GALNT17: variants seen among roughly 807,000 people sequenced by gnomAD.
GALNT17 encodes the protein UDP-GalNAc:polypeptide N-acetylgalactosaminyltransferase-like 3.
In GALNT17, 29 loss-of-function variants were observed where a neutral mutation model predicts 63.7. The observed-to-expected ratio is 0.46, with a 90% CI of 0.34 to 0.62. The LOEUF (loss-of-function observed/expected upper bound fraction) is 0.62. GALNT17 is among the 20% of genes least tolerant of loss of function. GALNT17 has a pLI of 0.01. For missense variants in GALNT17, 603 were observed against 799.6 expected, an observed-to-expected ratio of 0.75 and a Z score of 2.97; for synonymous variants, 305 against 318.3, an observed-to-expected ratio of 0.96 and a Z score of 0.45.
chr7:71,458,431 G>T (rs947150063), intron 5 of GALNT17, among the ~76,000 whole-genome samples: 2 of 152,168 alleles, frequency 1.3e-5, no homozygotes, highest in African/African-American at 4.8e-5. Context: ...TAAGATGGGT[G>T]CCTGTGGCTG....
intron 1 of GALNT17, among the ~76,000 whole-genome samples, chr7:71,278,821 A>G (rs962811277): frequency 8.5e-5 from 13 of 152,076 alleles, no homozygotes; most frequent in African/African-American, 1.4e-4. Context: ...TGCACGACAC[A>G]TGGGAATTGT....
chr7:71,239,312 A>C (rs116709396), intron 1 of GALNT17, among the ~76,000 whole-genome samples: 5,723 of 149,970 alleles, frequency 0.038, 348 homozygotes, highest in African/African-American at 0.13. Flanking sequence ...CCCAAAAAAA[A>C]ATAAATAAAA....
chr7:71,458,194 G>A (rs1366760156), intron 5 of GALNT17, among the ~76,000 whole-genome samples: 1 of 152,192 alleles, frequency 6.6e-6, no homozygotes, highest in Admixed American at 6.5e-5. Context: ...TGCATTAGCA[G>A]AATAACATCT....
chr7:71,155,523 C>T (rs1253153370), intron 1 of GALNT17, among the ~76,000 whole-genome samples: 1 of 151,816 alleles, frequency 6.6e-6, no homozygotes, highest in Non-Finnish European at 1.5e-5. Flanking sequence ...GTTAGCCCGC[C>T]TCAGCCTCCC....
chr7:71,439,414 C>A (rs1297017097), intron 5 of GALNT17, among the ~76,000 whole-genome samples: 2 of 152,172 alleles, frequency 1.3e-5, no homozygotes, highest in Non-Finnish European at 2.9e-5. Flanking sequence ...TTTTGCGTGA[C>A]ACGCTGATAT....
chr7:71,530,566 ATT>A lies in GALNT17; in HGVS notation c.963-40717_963-40716del, dbSNP rs1788702470. ...TATTTATTTATTTATTTATTTATTTATTTATTTATTTATTTATTTATTTTTGA... is the reference window on the plus strand; with the variant it reads ...TATTTATTTATTTATTTATTTATTTATATTTATTTATTTATTTATTTTTGA... On this transcript the variant is annotated intron_variant, in intron 5 of 10. Transcript: ENST00000333538. Among the ~76,000 whole-genome samples the A allele has an allele frequency of 2.0e-5, 3 of 149,414 alleles. No individual in the cohort carries two copies. The South Asian group carries it at 6.4e-4, about 32-fold the overall frequency.
chr7:71,375,183 A>T (rs1792698470), intron 2 of GALNT17, among the ~76,000 whole-genome samples: 1 of 152,188 alleles, frequency 6.6e-6, no homozygotes, highest in South Asian at 2.1e-4. Flanking sequence ...AAGTAACACA[A>T]GGACATAGGG....
intron 5 of GALNT17, among the ~76,000 whole-genome samples, chr7:71,567,227 T>C (rs1489475218): frequency 6.6e-6 from 1 of 152,136 alleles, no homozygotes; most frequent in Non-Finnish European, 1.5e-5. Context: ...GAGGAAATGA[T>C]GCACATTAGA....
intron 1 of GALNT17, among the ~76,000 whole-genome samples, chr7:71,179,227 G>A (rs964168175): frequency 3.2e-4 from 48 of 152,288 alleles, no homozygotes; most frequent in African/African-American, 1.1e-3. Flanking sequence ...CTTTGGAAAG[G>A]TGAATCAGAA....
chr7:71,352,788 GT>G (rs1306699649), intron 2 of GALNT17, among the ~76,000 whole-genome samples: 10 of 152,134 alleles, frequency 6.6e-5, no homozygotes, highest in Non-Finnish European at 7.3e-5. Flanking sequence ...AGCAAAGGAT[GT>G]GGAGAAGGAA....
chr7:71,456,401 T>C (rs1787356910), intron 5 of GALNT17, among the ~76,000 whole-genome samples: 1 of 151,188 alleles, frequency 6.6e-6, no homozygotes, highest in South Asian at 2.1e-4. Context: ...TAAATTCATA[T>C]TTTAAAATGA....
intron 1 of GALNT17, among the ~76,000 whole-genome samples, chr7:71,227,247 G>A (rs7802241): frequency 1.3e-5 from 2 of 149,192 alleles, no homozygotes; most frequent in South Asian, 2.1e-4. Flanking sequence ...GCCAGTAGTC[G>A]CAGCTACTTG....
In GALNT17 at chr7:71,678,920, G is replaced by A. The variant is rs192085037; in HGVS notation, c.1500+1614G>A. 2.7e-3 allele frequency among the ~76,000 whole-genome samples: 383 copies of A among 142,750 alleles called. 3 individuals carry two copies. The highest frequency in any genetic ancestry group is 9.0e-3 in the African/African-American group (347 of 38,480). 93.6% of individuals were successfully genotyped at this position (142,750 alleles called of 152,430 possible). A position where few individuals can be genotyped will look rare whatever the true frequency, so the allele number is the denominator to read the frequency against. On this transcript the variant is annotated intron_variant, in intron 9 of 10. Transcript: ENST00000333538. Reference sequence around the variant, plus strand: ...TTCAGTGAGCTGAGATCGTGCCACCGCACTAGAGCCTGGGCGACAGAGCGA... The same window carrying A: ...TTCAGTGAGCTGAGATCGTGCCACCACACTAGAGCCTGGGCGACAGAGCGA...
In GALNT17 at chr7:71,155,343, G is replaced by A. The variant is rs571937587; in HGVS notation, c.238+22303G>A. Among the ~76,000 whole-genome samples, 245 of 151,630 alleles carry A rather than the reference G, an allele frequency of 1.6e-3. 1 individual carries two copies. Among genetic ancestry groups the A allele is most frequent in the Middle Eastern group, 0.01 (3 of 294 alleles). On this transcript the variant is annotated intron_variant, in intron 1 of 10. Transcript: ENST00000333538. The stretch of plus-strand genomic sequence containing the variant: ...GGCTGGAGTGCAGTGGCATGATCTC[G>A]GCTCACTGCACCCCCAACCTCCCGG...
intron 6 of GALNT17, among the ~76,000 whole-genome samples, chr7:71,636,763 G>C (rs760428959): frequency 7.9e-5 from 12 of 152,182 alleles, no homozygotes; most frequent in Non-Finnish European, 1.5e-4. Flanking sequence ...CAGTCGTTGG[G>C]ATATTGGTCC....
At chr7:71,645,339 G>A (rs1790659730) in intron 6 of GALNT17, among the ~76,000 whole-genome samples, 1 of 152,206 alleles carries the variant, frequency 6.6e-6, no homozygotes, top group Non-Finnish European at 1.5e-5. Context: ...ATTGGATCAT[G>A]GGGCCAGTTT....
chr7:71,633,058 C>T lies in GALNT17; in HGVS notation c.1081-32353C>T, dbSNP rs911321134. 2.1e-5 allele frequency among the ~76,000 whole-genome samples: 3 copies of T among 144,300 alleles called. No homozygotes were observed. In the East Asian group the frequency reaches 6.2e-4, roughly 30 times the overall value. 94.7% of individuals were successfully genotyped at this position (144,300 alleles called of 152,430 possible). On this transcript the variant is annotated intron_variant, in intron 6 of 10. Coordinates refer to ENST00000333538, the MANE Select transcript of GALNT17 (RefSeq NM_022479.3). ...GTGGGAGGTTGCAGTGAGCCGACAT[C>T]GCACCACTGCACTCCAGCCTGGGCG...
At chr7:71,329,157 A>G (rs1882574) in intron 1 of GALNT17, among the ~76,000 whole-genome samples, 151,903 of 152,234 alleles carry the variant, frequency 1, 75,789 homozygotes, top group Non-Finnish European at 1. Context: ...TTTTCTGTGG[A>G]AGCTGCCCAG....
chr7:71,595,902 T>C (rs1789878608), intron 6 of GALNT17, among the ~76,000 whole-genome samples: 1 of 152,156 alleles, frequency 6.6e-6, no homozygotes, highest in Non-Finnish European at 1.5e-5. Flanking sequence ...GACAATTTGT[T>C]GCAGGAATCA....
Sources: allele counts gnomAD v4.1 joint callset (sites outside exome capture counted in the v4.1 genomes callset), GRCh38; gene constraint gnomAD v4.1.1; transcripts MANE v1.5; gene names NCBI Gene and HGNC (gene_info 2026-07-23, HGNC 2026-07-21).